ANK3: variants seen among roughly 807,000 people sequenced by gnomAD.
ANK3 encodes ankyrin 3, also known as ankyrin-3.
A neutral mutation model predicts 370.9 loss-of-function variants in ANK3; 57 were observed. The observed-to-expected ratio is 0.15, with a 90% CI of 0.12 to 0.19. ANK3 has a LOEUF of 0.19. Among genes scored for constraint, ANK3 ranks in the 10% least tolerant of loss-of-function variants. ANK3 has a pLI of 1.00. For missense variants in ANK3, 4,439 were observed against 5,302.1 expected (o/e 0.84, Z 5.06); for synonymous variants, 1,929 against 1,946.3 (o/e 0.99, Z 0.23).
intron 1 of ANK3, among the ~76,000 whole-genome samples, chr10:60,358,551 C>T (rs2058135817): frequency 2.0e-5 from 3 of 152,262 alleles, no homozygotes; most frequent in Admixed American, 1.3e-4. Flanking sequence ...TTTAGTTTCC[C>T]TCTCACTGAG....
At chr10:60,320,451 C>T (rs550481889) in intron 1 of ANK3, among the ~76,000 whole-genome samples, 9 of 152,214 alleles carry the variant, frequency 5.9e-5, no homozygotes, top group African/African-American at 1.7e-4. Flanking sequence ...AAAAATTAGC[C>T]GGGCATGGTG....
chr10:60,581,733 C>T (rs770211066), intron 2 of ANK3, among the ~76,000 whole-genome samples: 6 of 152,024 alleles, frequency 3.9e-5, no homozygotes, highest in Admixed American at 1.3e-4. Flanking sequence ...CCACAGTGCC[C>T]GGCCATTTTG....
chr10:60,228,920 G>C (rs1018133250), intron 8 of ANK3, among the ~76,000 whole-genome samples: 1 of 152,122 alleles, frequency 6.6e-6, no homozygotes, highest in East Asian at 1.9e-4. Flanking sequence ...ACATTTATTA[G>C]GTTGGTGCAA....
intron 2 of ANK3, among the ~76,000 whole-genome samples, chr10:60,462,858 C>T (rs1371685120): frequency 6.6e-6 from 1 of 151,788 alleles, no homozygotes; most frequent in Admixed American, 6.6e-5. Flanking sequence ...TGTCATATCT[C>T]TGTTCTTTGC....
chr10:60,234,588 C>T, intron 8 of ANK3, 100 bp downstream of exon 8: 1 of 675,250 alleles, frequency 1.5e-6, no homozygotes, highest in Admixed American at 2.4e-5. Context: ...ACAAATAGAA[C>T]AGAAAACAAA....
At chr10:60,677,580 C>G (rs576969334) in intron 1 of ANK3, among the ~76,000 whole-genome samples, 14 of 152,056 alleles carry the variant, frequency 9.2e-5, no homozygotes, top group African/African-American at 3.1e-4. Flanking sequence ...TTCCAGTTTT[C>G]AAAGAAATAA....
chr10:60,528,222 T>C (rs1433883551), intron 2 of ANK3, among the ~76,000 whole-genome samples: 5 of 145,892 alleles, frequency 3.4e-5, no homozygotes, highest in African/African-American at 1.2e-4. Flanking sequence ...CCACAACATC[T>C]ACCTCCTGGG....
intron 2 of ANK3, among the ~76,000 whole-genome samples, chr10:60,536,820 C>A (rs974331956): frequency 6.6e-6 from 1 of 151,922 alleles, no homozygotes; most frequent in Non-Finnish European, 1.5e-5. Flanking sequence ...TAATAGTGCA[C>A]CCAAGAGTAT....
At chr10:60,719,737 G>T (rs1016333970) in intron 1 of ANK3, among the ~76,000 whole-genome samples, 7 of 151,948 alleles carry the variant, frequency 4.6e-5, no homozygotes, top group African/African-American at 1.7e-4. Context: ...ATAATATCTT[G>T]TCACATTTTA....
chr10:60,424,480 G>T (rs1302759829), intron 2 of ANK3, among the ~76,000 whole-genome samples: 1 of 151,928 alleles, frequency 6.6e-6, no homozygotes, highest in Non-Finnish European at 1.5e-5. Flanking sequence ...ATCAAGAAGG[G>T]CATACGAAGA....
At chr10:60,658,193 T>A (rs2078891438) in intron 1 of ANK3, among the ~76,000 whole-genome samples, 1 of 152,004 alleles carries the variant, frequency 6.6e-6, no homozygotes, top group East Asian at 1.9e-4. Flanking sequence ...AATATAAGTA[T>A]CCATGTGACT....
At chr10:60,604,779 G>A (rs968306712) in intron 2 of ANK3, among the ~76,000 whole-genome samples, 5 of 152,080 alleles carry the variant, frequency 3.3e-5, no homozygotes, top group African/African-American at 1.2e-4. Context: ...CACCACCTAT[G>A]CTCAGAGGAG....
intron 1 of ANK3, among the ~76,000 whole-genome samples, chr10:60,731,462 C>CT (rs2080020937): frequency 6.6e-6 from 1 of 152,200 alleles, no homozygotes; most frequent in Non-Finnish European, 1.5e-5. Flanking sequence ...AAAAAGAACA[C>CT]TGAGAACCAT....
chr10:60,083,742 C>T lies in ANK3; in HGVS notation c.4075-125G>A, dbSNP rs2085895652. On this transcript the variant is annotated intron_variant, in intron 32 of 43. Coordinates refer to ENST00000280772, the MANE Select transcript of ANK3 (RefSeq NM_020987.5). ...TACACGTGTCTCTATTAGGCAGTTACTTCTGTGGTGCTATTTGCAACAAAA... is the reference window on the plus strand; with the variant it reads ...TACACGTGTCTCTATTAGGCAGTTATTTCTGTGGTGCTATTTGCAACAAAA... 9 of 760,810 alleles carry T rather than the reference C, an allele frequency of 1.2e-5. No homozygotes were observed. The South Asian group carries it at 1.8e-4, about 15-fold the overall frequency. The allele number at this position is 760,810 out of a possible 1,614,324, so 47.1% of individuals were successfully genotyped here.
rs1477844799 is a variant in ANK3, at chr10:60,026,577, T to C, written c.*3269A>G. The stretch of plus-strand genomic sequence containing the variant: ...AAACGTGAGCTGATGCTGACAATAG[T>C]TTATTGGCCATGGAGAAAATCCTCA... On this transcript the variant is annotated 3_prime_UTR_variant, in exon 44 of 44. Transcript: ENST00000280772. The C allele has an allele frequency of 3.3e-5, 5 of 152,180 alleles. No homozygotes were observed. The highest frequency in any genetic ancestry group is 2.0e-4 in the Admixed American group (3 of 15,282). The allele number at this position is 152,180 out of a possible 1,614,324, so 9.4% of individuals were successfully genotyped here.
intron 1 of ANK3, among the ~76,000 whole-genome samples, chr10:60,715,215 A>G (rs997811003): frequency 2.7e-5 from 4 of 147,192 alleles, no homozygotes; most frequent in African/African-American, 5.0e-5. Context: ...ACATATACAA[A>G]TGTGTGTGTG....
intron 36 of ANK3, among the ~76,000 whole-genome samples, chr10:60,078,945 G>C (rs980595032): frequency 2.0e-5 from 3 of 152,080 alleles, no homozygotes; most frequent in Non-Finnish European, 2.9e-5. Context: ...TTATAAGTGG[G>C]AAACATTCAA....
Position 60,465,839 on chromosome 10 carries a change from G to T in ANK3, c.96+149347C>A, listed in dbSNP as rs1484316408. On this transcript the variant is annotated intron_variant, in intron 2 of 43. Coordinates refer to the ANK3 transcript ENST00000373827. Reference sequence around the variant, plus strand: ...AGAGGACTTAGGATGAAGAGTTAGGGTATTTCATTGGGAAAAGTCTAGCTA... The same window carrying T: ...AGAGGACTTAGGATGAAGAGTTAGGTTATTTCATTGGGAAAAGTCTAGCTA... Among the ~76,000 whole-genome samples, 10 of 147,188 alleles carry T rather than the reference G, an allele frequency of 6.8e-5. No homozygotes were observed. In the Admixed American group the frequency reaches 6.8e-4, roughly 10 times the overall value.
At chr10:60,050,551 A>T (rs1442412417) in intron 42 of ANK3, 2 of 152,194 alleles carry the variant, frequency 1.3e-5, no homozygotes. Context: ...CTTTCTCTCT[A>T]GGGCAGTAAC....
Sources: gnomAD v4.1 joint callset for allele counts (sites outside exome capture counted in the v4.1 genomes callset) on GRCh38, gnomAD v4.1.1 for gene constraint, MANE v1.5 for transcripts, NCBI Gene and HGNC (gene_info 2026-07-23, HGNC 2026-07-21) for gene names.